Variants in IQGAP2 observed in about 807,000 individuals in gnomAD.
The protein encoded by IQGAP2 is ras GTPase-activating-like protein IQGAP2.
In IQGAP2, 173 loss-of-function variants were observed where a neutral mutation model predicts 201.3. The ratio of observed to expected loss-of-function variants is 0.86; its 90% CI spans 0.76 to 0.98. The LOEUF (loss-of-function observed/expected upper bound fraction) is 0.98. IQGAP2 is among the 50% of genes least tolerant of loss of function. The probability of loss-of-function intolerance (pLI) is 0.00; values close to 1 mark genes in which losing one functional copy is unlikely to be tolerated. For missense variants in IQGAP2, 1,687 were observed against 1,864.8 expected (o/e 0.90, Z 1.76); for synonymous variants, 675 against 673.9 (o/e 1.00, Z -0.03).
At chr5:76,526,150 A>C (rs1758960934) in intron 2 of IQGAP2, among the ~76,000 whole-genome samples, 1 of 152,360 alleles carries the variant, frequency 6.6e-6, no homozygotes, top group Admixed American at 6.5e-5. Flanking sequence ...AGTTAACCTC[A>C]AAAAGTCTAT....
intron 1 of IQGAP2, among the ~76,000 whole-genome samples, chr5:76,421,762 G>A (rs981459096): frequency 2.0e-5 from 3 of 152,138 alleles, no homozygotes; most frequent in Non-Finnish European, 4.4e-5. Context: ...CTTAAATAGT[G>A]CATAGACAAC....
At chr5:76,666,793 G>C (rs1370031133) in intron 22 of IQGAP2, among the ~76,000 whole-genome samples, 1 of 152,156 alleles carries the variant, frequency 6.6e-6, no homozygotes, top group Non-Finnish European at 1.5e-5. Context: ...ACCCAGGCAG[G>C]AGTGCAGTGG....
intron 13 of IQGAP2, among the ~76,000 whole-genome samples, chr5:76,625,363 G>C (rs1026867536): frequency 6.6e-6 from 1 of 152,170 alleles, no homozygotes; most frequent in African/African-American, 2.4e-5. Flanking sequence ...AACTCATAGA[G>C]CTTAGTTTTT....
chr5:76,507,569 T>G (rs1173225394), intron 2 of IQGAP2, among the ~76,000 whole-genome samples: 1 of 152,156 alleles, frequency 6.6e-6, no homozygotes, highest in Non-Finnish European at 1.5e-5. Context: ...AAATTTCCGT[T>G]CTGTGAAAGG....
Position 76,592,865 on chromosome 5 carries a change from G to C in IQGAP2, c.847G>C (p.Asp283His), listed in dbSNP as rs1338558134. Residue 283 changes from aspartate to histidine, a missense_variant, in exon 9 of 36, where the codon GAT (aspartate) becomes CAT (histidine). Asp to His is a moderately conservative substitution (Grantham distance 81). Transcript: ENST00000274364. Reference sequence around the variant, plus strand: ...TAGCTGTATTTCAGAAGAAGAAAGAGATGCTTATGAAGAACTGCTGACACA... The same window carrying C: ...TAGCTGTATTTCAGAAGAAGAAAGACATGCTTATGAAGAACTGCTGACACA... ...KNSCISEEER[D>H]AYEELLTQAE... The C allele has an allele frequency of 6.2e-7, 1 of 1,611,786 alleles. No individual in the cohort carries two copies. The highest frequency in any genetic ancestry group is 1.1e-5 in the South Asian group (1 of 90,974).
At chr5:76,452,151 AAAT>A (rs1753795584) in intron 1 of IQGAP2, among the ~76,000 whole-genome samples, 1 of 151,264 alleles carries the variant, frequency 6.6e-6, no homozygotes, top group African/African-American at 2.4e-5. Context: ...AAAAAAGAAC[AAAT>A]CTGACCTCAG....
chr5:76,641,072 A>T lies in IQGAP2; in HGVS notation c.2063A>T (p.His688Leu). Residue 688 changes from histidine to leucine, a missense_variant, in exon 17 of 36, where the codon CAT (histidine) becomes CTT (leucine). Physicochemically the swap from His to Leu is moderately conservative, Grantham distance 99 (BLOSUM62 -3). Transcript: ENST00000274364. ...TTTGAAGCTAGAAAATCATTTTTGC[A>T]TGAACAAGAAGAGAATGTGGTCAAA... ...EEFEARKSFL[H>L]EQEENVVKIQ... 1 of 1,607,596 alleles carries T rather than the reference A, an allele frequency of 6.2e-7. No individual in the cohort carries two copies. Among genetic ancestry groups the T allele is most frequent in the Non-Finnish European group, 8.5e-7 (1 of 1,174,724 alleles).
chr5:76,455,044 T>G (rs1188286951), intron 1 of IQGAP2, among the ~76,000 whole-genome samples: 1 of 152,260 alleles, frequency 6.6e-6, no homozygotes, highest in Non-Finnish European at 1.5e-5. Flanking sequence ...TAGATATTCT[T>G]ATTCAGATTT....
chr5:76,461,961 A>G (rs1315202037), intron 2 of IQGAP2, among the ~76,000 whole-genome samples: 1 of 152,214 alleles, frequency 6.6e-6, no homozygotes, highest in Non-Finnish European at 1.5e-5. Flanking sequence ...ACATAGTTCT[A>G]ATAACTCATT....
chr5:76,578,930 C>A (rs1745652203), intron 5 of IQGAP2, among the ~76,000 whole-genome samples: 1 of 146,640 alleles, frequency 6.8e-6, no homozygotes, highest in South Asian at 2.2e-4. Flanking sequence ...TATCTGGAGG[C>A]CTTTTACGTA....
intron 2 of IQGAP2, among the ~76,000 whole-genome samples, chr5:76,547,217 A>G (rs1035014710): frequency 4.6e-5 from 7 of 152,184 alleles, no homozygotes; most frequent in African/African-American, 1.7e-4. Context: ...ACCTCCAAGA[A>G]AGGGTTAACT....
Position 76,518,430 on chromosome 5 carries a change from C to T in IQGAP2, c.147-43966C>T, listed in dbSNP as rs112599683. On this transcript the variant is annotated intron_variant, in intron 2 of 35. Transcript: ENST00000274364. ...TTTAAAACCATCAGATCTCGTGAGA[C>T]TTATTCATTATCATGAGAACAGCAC... Among the ~76,000 whole-genome samples, 1,168 of 152,236 alleles carry T rather than the reference C, an allele frequency of 7.7e-3. 12 individuals carry two copies. The highest frequency in any genetic ancestry group is 0.024 in the Middle Eastern group (7 of 294).
chr5:76,654,719 G>A (rs1752773181), intron 19 of IQGAP2, among the ~76,000 whole-genome samples: 1 of 152,206 alleles, frequency 6.6e-6, no homozygotes, highest in Admixed American at 6.5e-5. Flanking sequence ...TGTCTAGGCA[G>A]TTCCCCTACA....
In IQGAP2 at chr5:76,590,402, T is replaced by G. The variant is rs1381836696; in HGVS notation, c.641-6T>G. 1.3e-5 allele frequency: 20 copies of G among 1,584,052 alleles called. No homozygotes were observed. Among genetic ancestry groups the G allele is most frequent in the Non-Finnish European group, 1.6e-5 (19 of 1,165,742 alleles). Reference sequence around the variant, plus strand: ...ACCTTTTTCTCTCTCTCTCTTTACTTTTTAGTACATGCTGCAGTTATAGCC... The same window carrying G: ...ACCTTTTTCTCTCTCTCTCTTTACTGTTTAGTACATGCTGCAGTTATAGCC... On this transcript the variant is annotated splice_region_variant and splice_polypyrimidine_tract_variant and intron_variant, in intron 7 of 35. Coordinates refer to ENST00000274364, the MANE Select transcript of IQGAP2 (RefSeq NM_006633.5).
Position 76,693,350 on chromosome 5 carries a change from T to C in IQGAP2, c.3906-5T>C. 1 of 1,608,754 alleles carries C rather than the reference T, an allele frequency of 6.2e-7. No individual in the cohort carries two copies. Among genetic ancestry groups the C allele is most frequent in the Non-Finnish European group, 8.5e-7 (1 of 1,176,648 alleles). On this transcript the variant is annotated splice_polypyrimidine_tract_variant and splice_region_variant and intron_variant, in intron 30 of 35. Coordinates refer to ENST00000274364, the MANE Select transcript of IQGAP2 (RefSeq NM_006633.5). ...AAAGTCTGTCTCTTTCTCTGGTTTG[T>C]TAAGGACCAAGAAGCTGATAATTGA... is the stretch of plus-strand genomic sequence containing the variant.
chr5:76,652,983 T>G, intron 18 of IQGAP2, 150 bp downstream of exon 18: 1 of 610,244 alleles, frequency 1.6e-6, no homozygotes, highest in Non-Finnish European at 2.9e-6. Context: ...GTTCTGCTGC[T>G]CATTTACCTA....
At chr5:76,551,480 G>A (rs1183829693) in intron 2 of IQGAP2, among the ~76,000 whole-genome samples, 2 of 152,030 alleles carry the variant, frequency 1.3e-5, no homozygotes, top group African/African-American at 4.8e-5. Context: ...TGCAATCTCG[G>A]CACTTTGGGA....
At chr5:76,583,578 A>G (rs1183774682) in intron 5 of IQGAP2, among the ~76,000 whole-genome samples, 3 of 152,226 alleles carry the variant, frequency 2.0e-5, no homozygotes, top group Non-Finnish European at 4.4e-5. Context: ...GCTTAAGAAA[A>G]TATCAGACTT....
chr5:76,413,421 G>T (rs1465359055), intron 1 of IQGAP2, among the ~76,000 whole-genome samples: 19 of 151,864 alleles, frequency 1.3e-4, no homozygotes, highest in Admixed American at 7.9e-4. Flanking sequence ...CATCCGTCTC[G>T]GCCTCTGAAA....
Sources: gnomAD v4.1 joint callset for allele counts (sites outside exome capture counted in the v4.1 genomes callset) on GRCh38, gnomAD v4.1.1 for gene constraint, MANE v1.5 for transcripts, NCBI Gene and HGNC (gene_info 2026-07-23, HGNC 2026-07-21) for gene names.